Variants in NDUFAF6 observed in about 807,000 individuals in gnomAD.
The protein encoded by NDUFAF6 is NADH dehydrogenase (ubiquinone) complex I, assembly factor 6.
A neutral mutation model predicts 40.8 loss-of-function variants in NDUFAF6; 45 were observed. That is an observed-to-expected ratio of 1.10 (90% confidence interval 0.87 to 1.42). NDUFAF6 has a LOEUF of 1.42. NDUFAF6 is among the 40% of genes most tolerant of loss of function. The pLI is 0.00. For missense variants in NDUFAF6, 435 were observed against 418.5 expected, an observed-to-expected ratio of 1.04 and a Z score of -0.34; for synonymous variants, 185 against 155.9, an observed-to-expected ratio of 1.19 and a Z score of -1.39.
intron 2 of NDUFAF6, among the ~76,000 whole-genome samples, chr8:94,948,669 C>T (rs1171141357): frequency 5.3e-5 from 8 of 152,212 alleles, no homozygotes; most frequent in African/African-American, 9.6e-5. Context: ...CCGCTGTCTT[C>T]GGAGATGCGT....
At chr8:95,072,925 C>T (rs886360149) in intron 9 of NDUFAF6, 1 of 154,192 alleles carries the variant, frequency 6.5e-6, no homozygotes, top group Non-Finnish European at 1.5e-5. Flanking sequence ...GGAAGCAGGC[C>T]AACCTCGACG....
upstream of NDUFAF6, among the ~76,000 whole-genome samples, chr8:95,098,361 C>T (rs1205046403): frequency 2.0e-5 from 3 of 151,836 alleles, no homozygotes; most frequent in East Asian, 5.8e-4. Flanking sequence ...AGTGAAACCT[C>T]GTCTCTACTA....
chr8:95,078,979 T>C (rs970934414), downstream of NDUFAF6, among the ~76,000 whole-genome samples: 130 of 152,000 alleles, frequency 8.6e-4, 3 homozygotes, highest in Non-Finnish European at 2.5e-4. Flanking sequence ...ATCTTTTTTT[T>C]TGTTTTTGTT....
intron 1 of NDUFAF6, among the ~76,000 whole-genome samples, chr8:94,903,259 C>T (rs918665649): frequency 2.0e-5 from 3 of 151,948 alleles, no homozygotes; most frequent in African/African-American, 7.2e-5. Context: ...ACTCAGGAGG[C>T]TCAGGTGGAG....
At chr8:94,982,883 C>T (rs1381109747) in intron 2 of NDUFAF6, among the ~76,000 whole-genome samples, 7 of 152,214 alleles carry the variant, frequency 4.6e-5, no homozygotes, top group Non-Finnish European at 1.5e-5. Context: ...CAGGGTTGTT[C>T]ACCTAAAAGG....
chr8:95,013,947 C>T (rs1827332861), intron 2 of NDUFAF6, among the ~76,000 whole-genome samples: 1 of 152,170 alleles, frequency 6.6e-6, no homozygotes, highest in South Asian at 2.1e-4. Context: ...CACAGACATG[C>T]ACACAGGGAG....
upstream of NDUFAF6, among the ~76,000 whole-genome samples, chr8:95,099,644 C>T (rs1410075888): frequency 6.6e-6 from 1 of 152,016 alleles, no homozygotes; most frequent in East Asian, 1.9e-4. Context: ...TTTCGCCTGC[C>T]CCTAGCAGAG....
chr8:95,030,986 C>T (rs938879815), intron 1 of NDUFAF6, among the ~76,000 whole-genome samples: 6 of 152,156 alleles, frequency 3.9e-5, no homozygotes, highest in South Asian at 2.1e-4. Context: ...CCAGCTGTAG[C>T]GTGAACTAAT....
intron 2 of NDUFAF6, among the ~76,000 whole-genome samples, chr8:94,947,153 T>G (rs2131398036): frequency 6.6e-6 from 1 of 152,258 alleles, no homozygotes; most frequent in Non-Finnish European, 1.5e-5. Context: ...CAAAAATCCA[T>G]CTGATTCCAA....
intron 1 of NDUFAF6, among the ~76,000 whole-genome samples, chr8:94,910,796 A>AT (rs1453663408): frequency 6.6e-6 from 1 of 152,254 alleles, no homozygotes; most frequent in African/African-American, 2.4e-5. Flanking sequence ...AAAGTTTACT[A>AT]TAGCTTTGTT....
chr8:94,970,785 C>G (rs1181019854), intron 1 of NDUFAF6, among the ~76,000 whole-genome samples: 2 of 152,020 alleles, frequency 1.3e-5, no homozygotes, highest in African/African-American at 4.8e-5. Context: ...TTGTATATAC[C>G]TTTTCTTCTC....
chr8:95,064,695 C>T (rs1387456765), intron 9 of NDUFAF6, among the ~76,000 whole-genome samples: 1 of 147,846 alleles, frequency 6.8e-6, no homozygotes, highest in Non-Finnish European at 1.5e-5. Flanking sequence ...TTCTGCTCTC[C>T]CTTCACCTGC....
At chr8:94,997,289 GACAC>G (rs57953301) in intron 2 of NDUFAF6, among the ~76,000 whole-genome samples, 6,513 of 94,316 alleles carry the variant, frequency 0.069, 201 homozygotes, top group Middle Eastern at 0.089. Flanking sequence ...CAAGAAGAAA[GACAC>G]ACACACACAC....
intron 1 of NDUFAF6, among the ~76,000 whole-genome samples, chr8:94,977,361 T>G (rs1825047486): frequency 6.6e-6 from 1 of 150,970 alleles, no homozygotes; most frequent in African/African-American, 2.4e-5. Context: ...AAAATTTTTT[T>G]TAATTAGCTG....
At chr8:95,088,073 GCCA>G (rs935673946) in intron 2 of NDUFAF6, 7 of 152,324 alleles carry the variant, frequency 4.6e-5, no homozygotes, top group African/African-American at 1.4e-4. Flanking sequence ...GGCACCTTGG[GCCA>G]CCTGCTCGCC....
At chr8:94,998,731 G>A (rs1331608697) in intron 2 of NDUFAF6, among the ~76,000 whole-genome samples, 2 of 152,206 alleles carry the variant, frequency 1.3e-5, no homozygotes, top group Non-Finnish European at 2.9e-5. Context: ...GTGGATGCAC[G>A]CAGGAGGGTG....
At chr8:94,997,939 G>A (rs751524794) in intron 2 of NDUFAF6, among the ~76,000 whole-genome samples, 9 of 152,092 alleles carry the variant, frequency 5.9e-5, no homozygotes, top group Non-Finnish European at 7.4e-5. Flanking sequence ...GTGGTTTTCC[G>A]TAAAGATTGA....
At chr8:94,974,776 G>A (rs1399502863) in intron 1 of NDUFAF6, 2 of 179,140 alleles carry the variant, frequency 1.1e-5, no homozygotes, top group Admixed American at 5.5e-5. Flanking sequence ...CAGTGTATCA[G>A]TAGCCAAGCC....
At chr8:95,116,481 T>G (rs1170612540), downstream of NDUFAF6, 1 of 152,232 alleles carries the variant, frequency 6.6e-6, no homozygotes, top group African/African-American at 2.4e-5. Context: ...GCCCCCCAAG[T>G]AGCTGGGACT....
Sources: allele counts gnomAD v4.1 joint callset (sites outside exome capture counted in the v4.1 genomes callset), GRCh38; gene constraint gnomAD v4.1.1; transcripts MANE v1.5; gene names NCBI Gene and HGNC (gene_info 2026-07-23, HGNC 2026-07-21).